SMURF2: variants seen among roughly 807,000 people sequenced by gnomAD.
SMURF2 encodes E3 ubiquitin-protein ligase SMURF2.
A neutral mutation model predicts 109.6 loss-of-function variants in SMURF2; 48 were observed. The observed-to-expected ratio is 0.44, with a 90% CI of 0.35 to 0.56. The LOEUF (loss-of-function observed/expected upper bound fraction) is 0.56. Among genes scored for constraint, SMURF2 ranks in the 20% least tolerant of loss-of-function variants. The probability of loss-of-function intolerance (pLI) is 0.01; values close to 1 mark genes in which losing one functional copy is unlikely to be tolerated. For missense variants in SMURF2, 575 were observed against 909.0 expected (o/e 0.63, Z 4.72); for synonymous variants, 288 against 317.1 (o/e 0.91, Z 0.97).
chr17:64,633,241 T>C (rs1323262633), intron 1 of SMURF2, among the ~76,000 whole-genome samples: 8 of 152,102 alleles, frequency 5.3e-5, no homozygotes, highest in Non-Finnish European at 1.0e-4. Context: ...CTGTACTCCA[T>C]CCTGGGTGAC....
intron 3 of SMURF2, 99 bp from the exon 4 acceptor site, chr17:64,593,672 C>T (rs781878644): frequency 9.6e-5 from 98 of 1,018,018 alleles, no homozygotes; most frequent in Non-Finnish European, 1.3e-4. Context: ...TACTAATATG[C>T]TTCAGAATCT....
intron 1 of SMURF2, chr17:64,660,824 A>G (rs1446270458): frequency 6.6e-6 from 1 of 152,192 alleles, no homozygotes; most frequent in Non-Finnish European, 1.5e-5. Context: ...TCCTTTACAA[A>G]CCAAATAAAA....
In SMURF2 at chr17:64,561,559, C is replaced by T; in HGVS notation, c.1257G>A (p.Trp419Ter). 6.2e-7 allele frequency: 1 copy of T among 1,613,744 alleles called. No homozygotes were observed. Among genetic ancestry groups the T allele is most frequent in the East Asian group, 2.2e-5 (1 of 44,872 alleles). Residue 419 changes from tryptophan (W) to a stop codon, truncating the protein, a stop_gained, in exon 12 of 19, where the codon TGG (tryptophan) becomes TGA (stop). Coordinates refer to ENST00000262435, the MANE Select transcript of SMURF2 (RefSeq NM_022739.4). LOFTEE classifies it high-confidence loss of function. ...CACGAAATTTTATCATTAATCGCTTCCAGAGATCTTTTGGTCTCATTTTCA... is the reference window on the plus strand; with the variant it reads ...CACGAAATTTTATCATTAATCGCTTTCAGAGATCTTTTGGTCTCATTTTCA... The part of the protein sequence containing the change: ...QVMKMRPKDL[W>*]KRLMIKFRGE...
intron 1 of SMURF2, among the ~76,000 whole-genome samples, chr17:64,646,274 C>T (rs1970557714): frequency 2.0e-5 from 3 of 151,836 alleles, no homozygotes; most frequent in Admixed American, 2.0e-4. Context: ...CCACATTGGC[C>T]AGGCTGGTAT....
chr17:64,545,744 G>C lies in SMURF2; in HGVS notation c.*104C>G. 1 of 393,732 alleles carries C rather than the reference G, an allele frequency of 2.5e-6. No individual in the cohort carries two copies. The highest frequency in any genetic ancestry group is 4.6e-6 in the Non-Finnish European group (1 of 219,024). 24.4% of individuals were successfully genotyped at this position (393,732 alleles called of 1,614,324 possible). A position where few individuals can be genotyped will look rare whatever the true frequency, so the allele number is the denominator to read the frequency against. On this transcript the variant is annotated 3_prime_UTR_variant, in exon 19 of 19. Transcript: ENST00000262435. ...AAAAAAAAAAAAAAAGGGGGGGGGG[G>C]GGAGTGTTTTCCTGTATTTCAGCAT... is the stretch of plus-strand genomic sequence containing the variant.
Position 64,551,631 on chromosome 17 carries a change from C to G in SMURF2, c.1822G>C (p.Val608Leu), listed in dbSNP as rs1969047209. The stretch of plus-strand genomic sequence containing the variant: ...GTCTTCAGCAGATGTTGTGGAATTA[C>G]TTCATTAAATCCTTTCTGCAGAGCC... Reference protein sequence around the residue: ...FLALQKGFNEVIPQHLLKTFD... With the variant: ...FLALQKGFNELIPQHLLKTFD... Residue 608 changes from valine to leucine, a missense_variant, in exon 16 of 19, where the codon GTA (valine) becomes CTA (leucine). This residue lies in a region of SMURF2 where 361 missense variants were observed against 612.1 expected (regional missense o/e 0.59). Coordinates refer to ENST00000262435, the MANE Select transcript of SMURF2 (RefSeq NM_022739.4). 6.2e-7 allele frequency: 1 copy of G among 1,613,868 alleles called. No homozygotes were observed. The highest frequency in any genetic ancestry group is 8.5e-7 in the Non-Finnish European group (1 of 1,179,944).
At chr17:64,623,248 A>G (rs894437835) in intron 1 of SMURF2, among the ~76,000 whole-genome samples, 44 of 152,206 alleles carry the variant, frequency 2.9e-4, no homozygotes, top group Non-Finnish European at 5.9e-5. Context: ...TGAACCCTTC[A>G]GCTCCTAAGG....
chr17:64,557,461 C>T (rs1052842372), intron 13 of SMURF2, 147 bp downstream of exon 13: 1 of 604,840 alleles, frequency 1.7e-6, no homozygotes, highest in African/African-American at 1.9e-5. Flanking sequence ...TAATCATCTG[C>T]TTGGGAAAAT....
chr17:64,567,756 C>T (rs1280627439), intron 10 of SMURF2, among the ~76,000 whole-genome samples: 4 of 152,202 alleles, frequency 2.6e-5, no homozygotes, highest in South Asian at 4.1e-4. Context: ...GATCTTGGCT[C>T]ACTGCAACCT....
At chr17:64,637,802 G>C (rs1970436860) in intron 1 of SMURF2, among the ~76,000 whole-genome samples, 1 of 151,192 alleles carries the variant, frequency 6.6e-6, no homozygotes, top group Non-Finnish European at 1.5e-5. Context: ...GACTTCAAAT[G>C]ATCCACCCAC....
intron 10 of SMURF2, among the ~76,000 whole-genome samples, chr17:64,571,293 G>C (rs1270796440): frequency 1.3e-5 from 2 of 152,034 alleles, no homozygotes; most frequent in African/African-American, 2.4e-5. Context: ...TTCCAAGACA[G>C]GTTCCTACCT....
In SMURF2 at chr17:64,547,899, T is replaced by C; in HGVS notation, c.1870-98A>G. 1 of 971,006 alleles carries C rather than the reference T, an allele frequency of 1.0e-6. No individual in the cohort carries two copies. Among genetic ancestry groups the C allele is most frequent in the Admixed American group, 2.1e-5 (1 of 48,680 alleles). The allele number at this position is 971,006 out of a possible 1,614,324, so 60.1% of individuals were successfully genotyped here. A position where few individuals can be genotyped will look rare whatever the true frequency, so the allele number is the denominator to read the frequency against. ...TAGGTTTGTACTGCTGGCTGTCATT[T>C]GGTGGTTCCTAATTAAAGATGCACA... is the stretch of plus-strand genomic sequence containing the variant. On this transcript the variant is annotated intron_variant, in intron 16 of 18. Coordinates refer to ENST00000262435, the MANE Select transcript of SMURF2 (RefSeq NM_022739.4). This position sits in a 1 kb window ranked among gnomAD's most constrained non-coding sequence, Gnocchi z 4.2.
chr17:64,622,889 C>T lies in SMURF2; in HGVS notation c.53-16249G>A, dbSNP rs566419017. Among the ~76,000 whole-genome samples, 27 of 152,266 alleles carry T rather than the reference C, an allele frequency of 1.8e-4. 1 individual carries two copies. In the South Asian group the frequency reaches 5.6e-3, roughly 32 times the overall value. On this transcript the variant is annotated intron_variant, in intron 1 of 18. Coordinates refer to ENST00000262435, the MANE Select transcript of SMURF2 (RefSeq NM_022739.4). Reference sequence around the variant, plus strand: ...TCTACATAAATTGTTTGGAATTATTCTGCATGGGAGATTTGTCTATCCCCT... The same window carrying T: ...TCTACATAAATTGTTTGGAATTATTTTGCATGGGAGATTTGTCTATCCCCT...
intron 8 of SMURF2, 109 bp downstream of exon 8, chr17:64,580,680 C>A: frequency 8.9e-7 from 1 of 1,122,612 alleles, no homozygotes. Flanking sequence ...TATTTTCATG[C>A]AGAATCCCTA....
intron 1 of SMURF2, among the ~76,000 whole-genome samples, chr17:64,649,923 T>C (rs1970613516): frequency 6.6e-6 from 1 of 152,140 alleles, no homozygotes; most frequent in Non-Finnish European, 1.5e-5. Flanking sequence ...GAATACTTCA[T>C]GATATGCTGA....
chr17:64,622,989 T>G (rs552064841), intron 1 of SMURF2, among the ~76,000 whole-genome samples: 3 of 152,330 alleles, frequency 2.0e-5, no homozygotes, highest in African/African-American at 7.2e-5. Context: ...TACTACTTTA[T>G]TTTATTGCTC....
chr17:64,627,331 G>A (rs1970281548), intron 1 of SMURF2, among the ~76,000 whole-genome samples: 1 of 152,058 alleles, frequency 6.6e-6, no homozygotes, highest in Non-Finnish European at 1.5e-5. Context: ...GGCCAGGCTG[G>A]TCTCGAACTC....
intron 1 of SMURF2, among the ~76,000 whole-genome samples, chr17:64,648,430 T>G (rs1167454802): frequency 6.6e-6 from 1 of 152,236 alleles, no homozygotes; most frequent in Non-Finnish European, 1.5e-5. Flanking sequence ...AAGAGAGATC[T>G]TATTTGTTTC....
chr17:64,618,263 C>A (rs1970153025), intron 1 of SMURF2, among the ~76,000 whole-genome samples: 2 of 152,022 alleles, frequency 1.3e-5, no homozygotes, highest in African/African-American at 4.8e-5. Context: ...TGAGACTCCG[C>A]CTCTAAAATA....
Sources: allele counts gnomAD v4.1 joint callset (sites outside exome capture counted in the v4.1 genomes callset), GRCh38; gene constraint gnomAD v4.1.1; regional missense constraint gnomAD v4.1.1; non-coding constraint Gnocchi (gnomAD v3.1); transcripts MANE v1.5; gene names NCBI Gene and HGNC (gene_info 2026-07-23, HGNC 2026-07-21).